Variants in PRMT3 observed in about 807,000 individuals in gnomAD.
The protein encoded by PRMT3 is protein arginine N-methyltransferase 3.
A neutral mutation model predicts 71.9 loss-of-function variants in PRMT3; 62 were observed. That is an observed-to-expected ratio of 0.86 (90% confidence interval 0.70 to 1.07). PRMT3 has a LOEUF of 1.07. PRMT3 is among the 50% of genes least tolerant of loss of function. PRMT3 has a pLI of 0.00. For synonymous variants in PRMT3, 213 were observed against 220.4 expected, an observed-to-expected ratio of 0.97 and a Z score of 0.30; for missense variants, 663 against 643.0, an observed-to-expected ratio of 1.03 and a Z score of -0.34.
At chr11:20,445,991 G>T (rs1304612318) in intron 10 of PRMT3, among the ~76,000 whole-genome samples, 1 of 152,056 alleles carries the variant, frequency 6.6e-6, no homozygotes, top group Non-Finnish European at 1.5e-5. Context: ...TTTACTGTTG[G>T]TGGGCACTGG....
Position 20,462,139 on chromosome 11 carries a change from C to T in PRMT3, c.1232C>T (p.Thr411Ile). The change falls in exon 12 of 16, where the codon ACT (threonine) becomes ATT (isoleucine). Residue 411 changes from threonine (T) to isoleucine (I), a missense_variant. Transcript: ENST00000331079. The stretch of plus-strand genomic sequence containing the variant: ...GTTGTGGAAGTTTTAGATCCGAAGA[C>T]TCTTATTTCAGAACCTTGTGGTATT... ...EAVVEVLDPK[T>I]LISEPCGIKH... 6.2e-7 allele frequency: 1 copy of T among 1,611,028 alleles called. No individual in the cohort carries two copies.
intron 2 of PRMT3, among the ~76,000 whole-genome samples, chr11:20,388,986 A>G (rs1389072060): frequency 1.3e-5 from 2 of 152,200 alleles, no homozygotes; most frequent in African/African-American, 2.4e-5. Context: ...CCCATTGGGT[A>G]GATAGAATGC....
intron 5 of PRMT3, among the ~76,000 whole-genome samples, chr11:20,393,320 T>G (rs940400582): frequency 3.9e-5 from 6 of 152,060 alleles, no homozygotes; most frequent in Admixed American, 3.9e-4. Context: ...GGTGGCGGGC[T>G]TCTGTAGTCC....
chr11:20,412,291 A>C (rs535510186), intron 9 of PRMT3, among the ~76,000 whole-genome samples: 128 of 152,232 alleles, frequency 8.4e-4, no homozygotes, highest in Non-Finnish European at 1.5e-3. Flanking sequence ...TACTAGAGTC[A>C]TGGTCATCAG....
Position 20,464,504 on chromosome 11 carries a change from A to G in PRMT3, c.1305A>G (p.Ser435=). 1 of 1,611,828 alleles carries G rather than the reference A, an allele frequency of 6.2e-7. No homozygotes were observed. The highest frequency in any genetic ancestry group is 8.5e-7 in the Non-Finnish European group (1 of 1,179,156). The change falls in exon 13 of 16, where the codon TCA becomes TCG. Residue 435 remains serine, a synonymous_variant. Transcript: ENST00000331079. ...HTTSISDLEF[S]SDFTLKITRT... ...CGTCTATCTCAGATTTGGAATTTTC[A>G]TCAGATTTTACCCTGAAAATCACAA...
At chr11:20,468,222 T>A (rs774782861) in intron 13 of PRMT3, among the ~76,000 whole-genome samples, 3 of 152,230 alleles carry the variant, frequency 2.0e-5, no homozygotes, top group Admixed American at 1.3e-4. Context: ...TACTGCTAAG[T>A]ACAAACCTTC....
At position 20,489,143 on chromosome 11, in the gene PRMT3, G is replaced by GT. The variant is rs1042494868; in HGVS notation, c.1348-4769dup. ...TCTGTTTTCTTCTATCATTGTTTTT[G>GT]TTTTTTTACTACTTACCACTCATTC... On this transcript the variant is annotated intron_variant, in intron 13 of 15. Coordinates refer to ENST00000331079, the MANE Select transcript of PRMT3 (RefSeq NM_005788.4). Among the ~76,000 whole-genome samples the GT allele has an allele frequency of 1.5e-3, 223 of 151,910 alleles. 1 individual carries two copies. Among genetic ancestry groups the GT allele is most frequent in the African/African-American group, 5.1e-3 (212 of 41,398 alleles).
At chr11:20,415,016 T>TGG (rs1413346761) in intron 9 of PRMT3, among the ~76,000 whole-genome samples, 4 of 81,674 alleles carry the variant, frequency 4.9e-5, no homozygotes, top group African/African-American at 1.1e-4. Flanking sequence ...GTGGTGGTAG[T>TGG]GGTGTGTGTG....
At chr11:20,401,119 T>C (rs1305398649) in intron 7 of PRMT3, among the ~76,000 whole-genome samples, 3 of 152,032 alleles carry the variant, frequency 2.0e-5, no homozygotes, top group Non-Finnish European at 4.4e-5. Context: ...GAATGAAAGA[T>C]TGTAGTTTAG....
At chr11:20,389,455 T>C (rs1848665252) in intron 2 of PRMT3, among the ~76,000 whole-genome samples, 1 of 152,226 alleles carries the variant, frequency 6.6e-6, no homozygotes, top group African/African-American at 2.4e-5. Context: ...AAGGGAACTC[T>C]CTTAAAAGCC....
intron 7 of PRMT3, among the ~76,000 whole-genome samples, chr11:20,400,222 T>C (rs951807340): frequency 6.6e-6 from 1 of 152,334 alleles, no homozygotes; most frequent in Non-Finnish European, 1.5e-5. Context: ...ATGCTTGGCA[T>C]TGGCCTTGTT....
intron 9 of PRMT3, among the ~76,000 whole-genome samples, chr11:20,415,356 G>A (rs6483677): frequency 0.91 from 137,657 of 152,066 alleles, 63,194 homozygotes; most frequent in Non-Finnish European, 0.99. Context: ...TTCTGTCTTT[G>A]TGGGGTACAT....
intron 13 of PRMT3, among the ~76,000 whole-genome samples, chr11:20,480,233 G>T (rs551288335): frequency 6.6e-5 from 10 of 152,280 alleles, no homozygotes; most frequent in African/African-American, 2.4e-4. Flanking sequence ...CTGGGTAGTG[G>T]TTATACAAGT....
At chr11:20,452,820 A>C (rs1850179919) in intron 11 of PRMT3, among the ~76,000 whole-genome samples, 1 of 152,228 alleles carries the variant, frequency 6.6e-6, no homozygotes, top group African/African-American at 2.4e-5. Flanking sequence ...TGCTGTGAGC[A>C]ATTATATACA....
chr11:20,452,346 A>T, intron 11 of PRMT3, 138 bp downstream of exon 11: 1 of 643,646 alleles, frequency 1.6e-6, no homozygotes, highest in Non-Finnish European at 2.6e-6. Flanking sequence ...AAGAAGCTTT[A>T]AGACATTTGT....
chr11:20,498,760 T>G (rs974422636), intron 15 of PRMT3, among the ~76,000 whole-genome samples: 6 of 152,126 alleles, frequency 3.9e-5, no homozygotes, highest in Admixed American at 3.3e-4. Flanking sequence ...CATCAAAAAC[T>G]GTGTAGGAAA....
At chr11:20,427,364 T>C (rs920825644) in intron 10 of PRMT3, among the ~76,000 whole-genome samples, 2 of 152,224 alleles carry the variant, frequency 1.3e-5, no homozygotes, top group African/African-American at 2.4e-5. Flanking sequence ...GTATGTTACA[T>C]AGCTTTATAA....
At chr11:20,401,035 T>G (rs924655952) in intron 7 of PRMT3, among the ~76,000 whole-genome samples, 1 of 152,128 alleles carries the variant, frequency 6.6e-6, no homozygotes. Flanking sequence ...AGACACTATG[T>G]TTTGTATACT....
At chr11:20,429,243 A>T (rs931254162) in intron 10 of PRMT3, among the ~76,000 whole-genome samples, 2 of 152,148 alleles carry the variant, frequency 1.3e-5, no homozygotes, top group African/African-American at 2.4e-5. Context: ...TTAGATTCTC[A>T]TCAGGAGCAT....
Sources: allele counts gnomAD v4.1 joint callset (sites outside exome capture counted in the v4.1 genomes callset), GRCh38; gene constraint gnomAD v4.1.1; transcripts MANE v1.5; gene names NCBI Gene and HGNC (gene_info 2026-07-23, HGNC 2026-07-21).